The following LINGO2 variants were observed in gnomAD, a reference collection of about 807,000 sequenced individuals.
LINGO2 encodes the protein leucine-rich repeat and immunoglobulin-like domain-containing nogo receptor-interacting protein 2.
Under a neutral mutation model 30.6 loss-of-function variants are expected in LINGO2, and 14 were observed. That is an observed-to-expected ratio of 0.46 (90% CI 0.30 to 0.72). The LOEUF is 0.72. Ranked by LOEUF, LINGO2 falls within the 30% of genes least tolerant of loss-of-function variation. The pLI, the probability that LINGO2 is intolerant of heterozygous loss-of-function variation, is 0.07. For missense variants in LINGO2, 729 were observed against 751.7 expected (o/e 0.97, Z 0.35); for synonymous variants, 317 against 288.5 (o/e 1.10, Z -1.00).
intron 1 of LINGO2, among the ~76,000 whole-genome samples, chr9:28,526,373 G>A (rs762575780): frequency 6.6e-6 from 1 of 152,170 alleles, no homozygotes; most frequent in Non-Finnish European, 1.5e-5. Flanking sequence ...CCATAAAAGA[G>A]CAAAGCAGCA....
the LINGO2 span, among the ~76,000 whole-genome samples, chr9:29,169,895 G>A: frequency 1.3e-5 from 2 of 152,138 alleles, no homozygotes; most frequent in Non-Finnish European, 2.9e-5. Context: ...CTACTCAGGA[G>A]GCTGAGGCAG....
intron 2 of LINGO2, among the ~76,000 whole-genome samples, chr9:28,398,522 G>A (rs1227856915): frequency 1.3e-5 from 2 of 151,964 alleles, no homozygotes; most frequent in African/African-American, 4.8e-5. Flanking sequence ...TTTGTTAACA[G>A]GGATTAAAAT....
chr9:28,937,418 G>C, the LINGO2 span, among the ~76,000 whole-genome samples: 1 of 152,168 alleles, frequency 6.6e-6, no homozygotes, highest in Non-Finnish European at 1.5e-5. Flanking sequence ...TGTTCCAAAA[G>C]ACAGAAATTG....
At chr9:28,591,273 C>T (rs566352293) in intron 1 of LINGO2, among the ~76,000 whole-genome samples, 2,944 of 151,868 alleles carry the variant, frequency 0.019, 44 homozygotes, top group South Asian at 0.072. Flanking sequence ...CAAACCTGCA[C>T]ATTGTGCACA....
chr9:28,577,862 C>A (rs970035191), intron 1 of LINGO2, among the ~76,000 whole-genome samples: 1 of 152,150 alleles, frequency 6.6e-6, no homozygotes, highest in African/African-American at 2.4e-5. Flanking sequence ...ACTGGGAAGA[C>A]AAACTGTGAG....
chr9:28,708,343 A>C, the LINGO2 span, among the ~76,000 whole-genome samples: 6 of 152,132 alleles, frequency 3.9e-5, no homozygotes, highest in Non-Finnish European at 5.9e-5. Flanking sequence ...AGGGATCCCC[A>C]AGGAGAGCTC....
At chr9:28,411,428 T>C (rs1198421440) in intron 2 of LINGO2, among the ~76,000 whole-genome samples, 3 of 152,228 alleles carry the variant, frequency 2.0e-5, no homozygotes, top group Non-Finnish European at 4.4e-5. Context: ...TTCATATAGT[T>C]GTACAATCAT....
the LINGO2 span, among the ~76,000 whole-genome samples, chr9:29,158,018 C>G: frequency 2.6e-5 from 4 of 152,034 alleles, no homozygotes; most frequent in African/African-American, 4.8e-5. Flanking sequence ...CTGGATTCAT[C>G]TGGATTAATT....
chr9:28,440,850 C>A (rs1824161355), intron 2 of LINGO2, among the ~76,000 whole-genome samples: 1 of 151,990 alleles, frequency 6.6e-6, no homozygotes, highest in Admixed American at 6.6e-5. Context: ...TAAAGTTTTC[C>A]CAGTTCACAT....
At chr9:28,334,155 T>C (rs1279013485) in intron 3 of LINGO2, among the ~76,000 whole-genome samples, 2 of 152,126 alleles carry the variant, frequency 1.3e-5, no homozygotes, top group Non-Finnish European at 2.9e-5. Flanking sequence ...TGTGGACACA[T>C]ACATGTTACC....
At chr9:28,669,635 A>C (rs371106557) in intron 1 of LINGO2, among the ~76,000 whole-genome samples, 21 of 152,072 alleles carry the variant, frequency 1.4e-4, no homozygotes, top group African/African-American at 5.1e-4. Context: ...AGAAACTAAC[A>C]AGACATTCCA....
intron 1 of LINGO2, among the ~76,000 whole-genome samples, chr9:28,652,381 C>T (rs1215285765): frequency 6.6e-6 from 1 of 152,136 alleles, no homozygotes; most frequent in African/African-American, 2.4e-5. Context: ...CTTGATACTG[C>T]TTAATCCCAC....
chr9:28,435,216 A>G (rs1823875308), intron 2 of LINGO2, among the ~76,000 whole-genome samples: 1 of 152,210 alleles, frequency 6.6e-6, no homozygotes, highest in African/African-American at 2.4e-5. Flanking sequence ...TATACATTAA[A>G]CAAAAACCTG....
chr9:28,031,737 A>AC (rs371999965), intron 4 of LINGO2, among the ~76,000 whole-genome samples: 158 of 152,190 alleles, frequency 1.0e-3, no homozygotes, highest in African/African-American at 3.6e-3. Flanking sequence ...TACCTGGGAG[A>AC]CCTCTGCCAG....
the LINGO2 span, among the ~76,000 whole-genome samples, chr9:28,893,617 T>TA: frequency 1.0e-5 from 1 of 97,102 alleles, no homozygotes; most frequent in African/African-American, 3.4e-5. Flanking sequence ...TGGAAGAAAA[T>TA]ATCTTATTGT....
intron 1 of LINGO2, among the ~76,000 whole-genome samples, chr9:28,544,872 T>C (rs1392238326): frequency 6.6e-6 from 1 of 151,120 alleles, no homozygotes; most frequent in East Asian, 1.9e-4. Context: ...GTTTTTGAAT[T>C]GGGGGAACTT....
intron 4 of LINGO2, among the ~76,000 whole-genome samples, chr9:28,138,123 C>T (rs1827568487): frequency 6.6e-6 from 1 of 152,200 alleles, no homozygotes; most frequent in East Asian, 1.9e-4. Context: ...ATCACCTTGA[C>T]ACTTAAAAGT....
At chr9:28,264,373 A>T (rs1822672365) in intron 4 of LINGO2, among the ~76,000 whole-genome samples, 1 of 152,036 alleles carries the variant, frequency 6.6e-6, no homozygotes, top group African/African-American at 2.4e-5. Flanking sequence ...GTATCTGTAC[A>T]TAAAAATATT....
rs12238235 is a variant in LINGO2 at position 28,311,747 on chromosome 9, A to T, written c.-245-16381T>A. 0.014 allele frequency among the ~76,000 whole-genome samples: 2,141 copies of T among 152,232 alleles called. 86 individuals are homozygous for T. The East Asian group carries it at 0.14, about 10-fold the overall frequency. ...TATTGTTCAAACACACATGCTCTAC[A>T]ATTTGTGCAGTTAATGCAATCATCA... On this transcript the variant is annotated intron_variant, in intron 3 of 5. Coordinates refer to ENST00000379992, the Ensembl canonical transcript of LINGO2.
Sources: gnomAD v4.1 joint callset for allele counts (sites outside exome capture counted in the v4.1 genomes callset) on GRCh38, gnomAD v4.1.1 for gene constraint, MANE v1.5 for transcripts, NCBI Gene and HGNC (gene_info 2026-07-23, HGNC 2026-07-21) for gene names.